DHTKD1: variants seen among roughly 807,000 people sequenced by gnomAD.
The protein encoded by DHTKD1 is 2-oxoadipate dehydrogenase complex component E1.
Under a neutral mutation model 101.8 loss-of-function variants are expected in DHTKD1, and 78 were observed. The observed-to-expected ratio is 0.77, with a 90% CI of 0.64 to 0.93. The LOEUF (loss-of-function observed/expected upper bound fraction) is 0.93, where lower values mean the gene tolerates loss of function less well. Among genes scored for constraint, DHTKD1 ranks in the 40% least tolerant of loss-of-function variants. The pLI, the probability that DHTKD1 is intolerant of heterozygous loss-of-function variation, is 0.00. For synonymous variants in DHTKD1, 462 were observed against 450.3 expected, an observed-to-expected ratio of 1.03 and a Z score of -0.33; for missense variants, 1,223 against 1,161.7, an observed-to-expected ratio of 1.05 and a Z score of -0.77.
In DHTKD1 at chr10:12,087,638, C is replaced by T. The variant is rs780598300; in HGVS notation, c.626C>T (p.Ser209Leu). The T allele has an allele frequency of 1.3e-5, 21 of 1,614,018 alleles. No homozygotes were observed. In the East Asian group the frequency reaches 1.6e-4, roughly 12 times the overall value. The change falls in exon 4 of 17, where the codon TCG becomes TTG. Residue 209 changes from serine (S) to leucine (L), a missense_variant. Physicochemically the swap from Ser to Leu is moderately radical, Grantham distance 145 (BLOSUM62 -2). Transcript: ENST00000263035. This position sits in a 1 kb window ranked among gnomAD's most constrained non-coding sequence, Gnocchi z 5.2. ...MGFFHELLKM[S>L]AYSGITDVII... ...TTTTTCCACGAGCTGCTGAAAATGT[C>T]GGCCTACAGCGGGATCACTGATGTC...
intron 13 of DHTKD1, among the ~76,000 whole-genome samples, chr10:12,115,452 C>T (rs1833401092): frequency 6.6e-6 from 1 of 152,130 alleles, no homozygotes; most frequent in African/African-American, 2.4e-5. Context: ...TACTCATTCT[C>T]AGGGGCGATA....
intron 1 of DHTKD1, among the ~76,000 whole-genome samples, chr10:12,079,180 C>T (rs555304793): frequency 8.3e-4 from 126 of 152,212 alleles, no homozygotes; most frequent in African/African-American, 2.8e-3. Context: ...GCCTCGAACT[C>T]CTGGGTTCAA....
intron 10 of DHTKD1, 88 bp from the exon 11 acceptor site, chr10:12,106,158 G>T (rs141005567): frequency 1.6e-5 from 22 of 1,383,650 alleles, no homozygotes; most frequent in Non-Finnish European, 2.2e-5. Flanking sequence ...CTCCCTCTCC[G>T]CACCACCTCC....
intron 12 of DHTKD1, among the ~76,000 whole-genome samples, chr10:12,111,823 G>A (rs1833334585): frequency 6.6e-6 from 1 of 152,098 alleles, no homozygotes. Flanking sequence ...TAGGGAAATA[G>A]AGTTTAAGAG....
rs566232022 is a variant in DHTKD1, at chr10:12,087,069, C to T, written c.523-466C>T. Reference sequence around the variant, plus strand: ...CAAAAGATGACATGTGGAAGACAGGCTCAGTACAAATGAATGGAACTGAAC... The same window carrying T: ...CAAAAGATGACATGTGGAAGACAGGTTCAGTACAAATGAATGGAACTGAAC... On this transcript the variant is annotated intron_variant, in intron 3 of 16. Transcript: ENST00000263035. This position sits in a 1 kb window ranked among gnomAD's most constrained non-coding sequence, Gnocchi z 5.2. 3.5e-4 allele frequency among the ~76,000 whole-genome samples: 53 copies of T among 152,258 alleles called. 1 individual carries two copies. Among genetic ancestry groups the T allele is most frequent in the Non-Finnish European group, 6.8e-4 (46 of 68,016 alleles).
intron 7 of DHTKD1, among the ~76,000 whole-genome samples, chr10:12,094,770 G>T (rs1393013822): frequency 1.3e-5 from 2 of 152,206 alleles, no homozygotes; most frequent in African/African-American, 4.8e-5. Flanking sequence ...TTCCTGAGTA[G>T]CTGGGATTAC....
At chr10:12,094,403 C>T in intron 7 of DHTKD1, 132 bp downstream of exon 7, 4 of 773,604 alleles carry the variant, frequency 5.2e-6, no homozygotes, top group South Asian at 3.4e-5. Flanking sequence ...CTGCCATCTC[C>T]ACCTCCCGGG....
chr10:12,078,839 A>G (rs1216858234), intron 1 of DHTKD1, among the ~76,000 whole-genome samples: 1 of 151,844 alleles, frequency 6.6e-6, no homozygotes, highest in East Asian at 2.0e-4. Context: ...TAATTTTTGT[A>G]TTTTTAGTAG....
At chr10:12,106,501 G>T (rs568078729) in intron 11 of DHTKD1, 105 bp downstream of exon 11, 1 of 1,423,900 alleles carries the variant, frequency 7.0e-7, no homozygotes, top group African/African-American at 1.4e-5. Flanking sequence ...TGAGACTCCC[G>T]TGTGCGGCGG....
In DHTKD1 at chr10:12,087,578, GA is replaced by G; in HGVS notation, c.567del (p.Tyr190MetfsTer9). 1 of 1,612,770 alleles carries G rather than the reference GA, an allele frequency of 6.2e-7. No homozygotes were observed. Among genetic ancestry groups the G allele is most frequent in the East Asian group, 2.2e-5 (1 of 44,856 alleles). ...FLATKFSTVK[R>X]YGGEGAESMM... The stretch of plus-strand genomic sequence containing the variant: ...GCCACCAAGTTCTCGACAGTGAAGC[GA>G]TATGGAGGCGAAGGGGCTGAAAGCA... On this transcript the variant is annotated frameshift_variant, in exon 4 of 17. Transcript: ENST00000263035. LOFTEE classifies it high-confidence loss of function. This position sits in a 1 kb window ranked among gnomAD's most constrained non-coding sequence, Gnocchi z 5.2.
intron 10 of DHTKD1, among the ~76,000 whole-genome samples, chr10:12,104,529 A>G: frequency 6.6e-6 from 1 of 152,248 alleles, no homozygotes; most frequent in African/African-American, 2.4e-5. Flanking sequence ...TTAAACATAT[A>G]TTTTTTTAAA....
rs1260563840 is a variant in DHTKD1 at position 12,097,630 on chromosome 10, CTA to C, written c.1359-52_1359-51del. 4.2e-5 allele frequency: 62 copies of C among 1,493,514 alleles called. 1 individual carries two copies. The Middle Eastern group carries it at 7.0e-4, about 17-fold the overall frequency. The allele number at this position is 1,493,514 out of a possible 1,614,324, so 92.5% of individuals were successfully genotyped here. On this transcript the variant is annotated intron_variant, in intron 7 of 16. Transcript: ENST00000263035. ...CCCTTGACAGTGACTCTCCTTGTCT[CTA>C]TTAGATTGTTACAGGTCAGACTGAT...
In DHTKD1 at chr10:12,087,898, A is replaced by G. The variant is rs1832929293; in HGVS notation, c.717+169A>G. ...AGGATGAGGCAGGAGGATGGCTTGA[A>G]TCTAGGAGTTTGAGACCACCCTGTG... On this transcript the variant is annotated intron_variant, in intron 4 of 16. Coordinates refer to ENST00000263035, the MANE Select transcript of DHTKD1 (RefSeq NM_018706.7). The surrounding 1 kb of genome is among the most constrained non-coding windows in gnomAD (Gnocchi z 5.2). Among the ~76,000 whole-genome samples the G allele has an allele frequency of 6.7e-6, 1 of 149,764 alleles. No individual in the cohort carries two copies. The highest frequency in any genetic ancestry group is 2.0e-4 in the East Asian group (1 of 4,974).
chr10:12,114,990 T>A (rs1406760584), intron 13 of DHTKD1, among the ~76,000 whole-genome samples: 4 of 152,092 alleles, frequency 2.6e-5, no homozygotes, highest in Admixed American at 2.6e-4. Flanking sequence ...GGAGACAGGG[T>A]TTCACTGTGT....
chr10:12,118,953 A>C, intron 15 of DHTKD1, 35 bp downstream of exon 15: 10 of 1,467,752 alleles, frequency 6.8e-6, no homozygotes, highest in Non-Finnish European at 9.1e-6. Context: ...TTTGATGTTC[A>C]GATACCCAAA....
Position 12,092,004 on chromosome 10 carries a change from G to A in DHTKD1, c.1159+320G>A, listed in dbSNP as rs542947455. 1.3e-3 allele frequency among the ~76,000 whole-genome samples: 182 copies of A among 143,516 alleles called. 1 individual carries two copies. The highest frequency in any genetic ancestry group is 4.4e-3 in the African/African-American group (171 of 38,694). 94.2% of individuals were successfully genotyped at this position (143,516 alleles called of 152,430 possible). ...TTTTTTTTTTTTTAGATGGAGTCTT[G>A]CTCTGTTGCCCTTTCCAGCTTGTAC... On this transcript the variant is annotated intron_variant, in intron 6 of 16. Coordinates refer to ENST00000263035, the MANE Select transcript of DHTKD1 (RefSeq NM_018706.7).
chr10:12,079,376 GGA>G (rs1309833608), intron 1 of DHTKD1, among the ~76,000 whole-genome samples: 1 of 152,166 alleles, frequency 6.6e-6, no homozygotes, highest in Non-Finnish European at 1.5e-5. Flanking sequence ...GTTCTTAAAA[GGA>G]GAGAGTAGGA....
chr10:12,080,792 C>T (rs531679952), intron 1 of DHTKD1, among the ~76,000 whole-genome samples: 2 of 151,518 alleles, frequency 1.3e-5, no homozygotes, highest in Non-Finnish European at 2.9e-5. Flanking sequence ...AATAAAAACA[C>T]AAATTGTAAA....
chr10:12,102,944 C>G (rs938962581), intron 10 of DHTKD1, among the ~76,000 whole-genome samples: 10 of 151,778 alleles, frequency 6.6e-5, no homozygotes, highest in African/African-American at 2.4e-4. Flanking sequence ...TTATTTAGAC[C>G]TGGCACGGTG....
Sources: gnomAD v4.1 joint callset for allele counts (sites outside exome capture counted in the v4.1 genomes callset) on GRCh38, gnomAD v4.1.1 for gene constraint, Gnocchi (gnomAD v3.1) non-coding constraint, MANE v1.5 for transcripts, NCBI Gene and HGNC (gene_info 2026-07-23, HGNC 2026-07-21) for gene names.